Variants in CLDN14 observed in about 807,000 individuals in gnomAD.
The protein encoded by CLDN14 is claudin-14.
Under a neutral mutation model 2.1 loss-of-function variants are expected in CLDN14, and 2 were observed. That is an observed-to-expected ratio of 0.96 (90% CI 0.39 to 3.01). The LOEUF is 3.01. Among genes scored for constraint, CLDN14 ranks in the 30% most tolerant of loss-of-function variants. CLDN14 has a pLI of 0.09. For missense variants in CLDN14, 298 were observed against 328.0 expected (o/e 0.91, Z 0.71); for synonymous variants, 136 against 154.4 (o/e 0.88, Z 0.88).
chr21:36,514,030 AT>A (rs1313774151), intron 1 of CLDN14, among the ~76,000 whole-genome samples: 1 of 151,784 alleles, frequency 6.6e-6, no homozygotes, highest in Non-Finnish European at 1.5e-5. Context: ...ATTGATTTAT[AT>A]TTTTTTGTAG....
chr21:36,514,584 G>A (rs1041076691), intron 1 of CLDN14, among the ~76,000 whole-genome samples: 2 of 151,748 alleles, frequency 1.3e-5, no homozygotes, highest in East Asian at 1.9e-4. Context: ...CTGTGCACCC[G>A]AAGAGAGAAG....
At chr21:36,463,489 A>G (rs1276942182) in intron 1 of CLDN14, among the ~76,000 whole-genome samples, 10 of 152,316 alleles carry the variant, frequency 6.6e-5, no homozygotes, top group Non-Finnish European at 1.0e-4. Context: ...AGGCGGGTGG[A>G]TCGCTTAAGG....
intron 2 of CLDN14, among the ~76,000 whole-genome samples, chr21:36,493,000 A>C (rs1160426506): frequency 6.6e-6 from 1 of 152,234 alleles, no homozygotes; most frequent in Non-Finnish European, 1.5e-5. Context: ...GACGAGTCAG[A>C]CAAGATCGCA....
rs560099867 is a variant in CLDN14 at position 36,518,015 on chromosome 21, A to G, written c.-219-7515T>C. Among the ~76,000 whole-genome samples, 6 of 151,912 alleles carry G rather than the reference A, an allele frequency of 3.9e-5. No individual in the cohort carries two copies. In the South Asian group the frequency reaches 1.0e-3, roughly 26 times the overall value. ...GCCTACCCCATCAGATTTGGGACTC[A>G]CTATGGCTCCACAATTACATGTCAA... On this transcript the variant is annotated intron_variant, in intron 1 of 2. Coordinates refer to the CLDN14 transcript ENST00000342108.
At chr21:36,482,408 AGACG>A (rs1568851815), upstream of CLDN14, among the ~76,000 whole-genome samples, 337 of 97,830 alleles carry the variant, frequency 3.4e-3, no homozygotes, top group South Asian at 0.02. Context: ...ATGGATGGAT[AGACG>A]GATGGATGGA....
At position 36,469,863 on chromosome 21, in the gene CLDN14, C is replaced by A. The variant is rs528095188; in HGVS notation, c.-81-8087G>T. 1.4e-3 allele frequency among the ~76,000 whole-genome samples: 211 copies of A among 152,222 alleles called. 3 individuals carry two copies. The highest frequency in any genetic ancestry group is 4.6e-3 in the African/African-American group (192 of 41,534). On this transcript the variant is annotated intron_variant, in intron 1 of 1. Coordinates refer to ENST00000399135, the MANE Select transcript of CLDN14 (RefSeq NM_001146079.2). ...CAACATTTAGAAATGAAATGAGTTT[C>A]ATTTACTTAAATACATGAGTGCCTT...
chr21:36,510,967 C>T (rs2087181394), intron 1 of CLDN14, among the ~76,000 whole-genome samples: 1 of 152,210 alleles, frequency 6.6e-6, no homozygotes, highest in African/African-American at 2.4e-5. Flanking sequence ...GATATGTTTT[C>T]TTCTGATTCT....
intron 1 of CLDN14, among the ~76,000 whole-genome samples, chr21:36,528,882 G>A (rs375787108): frequency 2.0e-5 from 3 of 152,282 alleles, no homozygotes; most frequent in South Asian, 2.1e-4. Flanking sequence ...AGTGTGAGCC[G>A]CAACCCTGCC....
intron 1 of CLDN14, among the ~76,000 whole-genome samples, chr21:36,519,487 G>T (rs1300815204): frequency 1.3e-5 from 2 of 152,074 alleles, no homozygotes; most frequent in East Asian, 1.9e-4. Flanking sequence ...GAGGCGGGTG[G>T]ATCACCTGAG....
At chr21:36,487,305 A>G (rs2086908588) in intron 2 of CLDN14, 2 of 230,324 alleles carry the variant, frequency 8.7e-6, no homozygotes, top group Non-Finnish European at 8.7e-6. Context: ...TGAATGACAT[A>G]CTATGTTGAC....
At chr21:36,461,830 T>C in intron 1 of CLDN14, 54 bp from the exon 2 acceptor site, 1 of 1,212,776 alleles carries the variant, frequency 8.2e-7, no homozygotes, top group Non-Finnish European at 1.1e-6. Flanking sequence ...GGGTTAAAGA[T>C]TATCTCATGC....
In CLDN14 at chr21:36,488,356, C is replaced by T. The variant is rs2086922122; in HGVS notation, c.-82+22007G>A. Among the ~76,000 whole-genome samples the T allele has an allele frequency of 4.6e-5, 7 of 151,898 alleles. No individual in the cohort carries two copies. The South Asian group carries it at 1.5e-3, about 32-fold the overall frequency. On this transcript the variant is annotated intron_variant, in intron 2 of 2. Transcript: ENST00000342108. ...GCGGGATCTCAGTTCACTGCAACCTCTGCCTCCTGGGTTCAAGCGATTCTC... is the reference window on the plus strand; with the variant it reads ...GCGGGATCTCAGTTCACTGCAACCTTTGCCTCCTGGGTTCAAGCGATTCTC...
In CLDN14 at chr21:36,544,877, A is replaced by G. The variant is rs2087516852; in HGVS notation, c.-220+31534T>C. On this transcript the variant is annotated intron_variant, in intron 1 of 2. Transcript: ENST00000342108. This position sits in a 1 kb window ranked among gnomAD's most constrained non-coding sequence, Gnocchi z 4.1. Reference sequence around the variant, plus strand: ...AATTGCTGAAAGTAACTTAATAACAAAACCACAATGCTCTCTGTTATTAAT... The same window carrying G: ...AATTGCTGAAAGTAACTTAATAACAGAACCACAATGCTCTCTGTTATTAAT... Among the ~76,000 whole-genome samples the G allele has an allele frequency of 6.6e-6, 1 of 152,256 alleles. No homozygotes were observed. The highest frequency in any genetic ancestry group is 1.5e-5 in the Non-Finnish European group (1 of 68,048).
intron 2 of CLDN14, chr21:36,485,941 T>A: frequency 8.5e-7 from 1 of 1,179,908 alleles, no homozygotes; most frequent in Non-Finnish European, 1.2e-6. Context: ...CTGCGTCCCA[T>A]GCAGTCCCCT....
chr21:36,512,059 A>G (rs1448476239), intron 1 of CLDN14, among the ~76,000 whole-genome samples: 2 of 152,216 alleles, frequency 1.3e-5, no homozygotes, highest in African/African-American at 2.4e-5. Context: ...CTGACTGTTA[A>G]TGACTCTGCC....
At chr21:36,467,219 G>C (rs1003330383) in intron 1 of CLDN14, among the ~76,000 whole-genome samples, 3 of 152,128 alleles carry the variant, frequency 2.0e-5, no homozygotes, top group African/African-American at 7.2e-5. Flanking sequence ...AAAAAAGCAG[G>C]GTTCTGGAGC....
intron 1 of CLDN14, among the ~76,000 whole-genome samples, chr21:36,562,404 G>C (rs563699471): frequency 1.3e-5 from 2 of 152,166 alleles, no homozygotes; most frequent in Non-Finnish European, 2.9e-5. Context: ...CATCCACTTT[G>C]TAATTCTGCA....
At chr21:36,492,399 A>G (rs564245502) in intron 2 of CLDN14, among the ~76,000 whole-genome samples, 5 of 100,438 alleles carry the variant, frequency 5.0e-5, no homozygotes, top group East Asian at 5.6e-4. Context: ...GCGCCACTGC[A>G]GTCCGCAGTC....
At chr21:36,542,632 C>T (rs1248300110) in intron 1 of CLDN14, 1 of 152,258 alleles carries the variant, frequency 6.6e-6, no homozygotes, top group Non-Finnish European at 1.5e-5. Context: ...CGCCCGTTCT[C>T]CCCAGGGAGC....
Sources: gnomAD v4.1 joint callset for allele counts (sites outside exome capture counted in the v4.1 genomes callset) on GRCh38, gnomAD v4.1.1 for gene constraint, Gnocchi (gnomAD v3.1) non-coding constraint, MANE v1.5 for transcripts, NCBI Gene and HGNC (gene_info 2026-07-23, HGNC 2026-07-21) for gene names.